The following ARHGEF7 variants were observed in gnomAD, a reference collection of about 807,000 sequenced individuals.
The protein encoded by ARHGEF7 is Rho guanine nucleotide exchange factor 7.
In ARHGEF7, 33 loss-of-function variants were observed where a neutral mutation model predicts 109.8. That is an observed-to-expected ratio of 0.30 (90% CI 0.23 to 0.40). The LOEUF (loss-of-function observed/expected upper bound fraction) is 0.40. ARHGEF7 is among the 10% of genes least tolerant of loss of function. The pLI is 1.00. For synonymous variants in ARHGEF7, 458 were observed against 424.6 expected, an observed-to-expected ratio of 1.08 and a Z score of -0.97; for missense variants, 938 against 1,098.5, an observed-to-expected ratio of 0.85 and a Z score of 2.07.
At chr13:111,216,442 C>T (rs2083153599) in intron 4 of ARHGEF7, among the ~76,000 whole-genome samples, 1 of 151,838 alleles carries the variant, frequency 6.6e-6, no homozygotes, top group African/African-American at 2.4e-5. Context: ...CTGGACTCTG[C>T]TGATGTCACT....
intron 2 of ARHGEF7, 149 bp from the exon 3 acceptor site, chr13:111,205,140 G>A: frequency 1.7e-6 from 1 of 585,074 alleles, no homozygotes; most frequent in Non-Finnish European, 3.0e-6. Context: ...TCAGGACTGA[G>A]AGACTGAGCG....
At chr13:111,159,568 A>C (rs1358639305) in intron 2 of ARHGEF7, among the ~76,000 whole-genome samples, 1 of 152,212 alleles carries the variant, frequency 6.6e-6, no homozygotes, top group African/African-American at 2.4e-5. Context: ...TCTTTTTGAT[A>C]ATAGCCATTC....
chr13:111,244,061 C>A, intron 7 of ARHGEF7, 95 bp downstream of exon 7: 1 of 1,278,608 alleles, frequency 7.8e-7, no homozygotes, highest in Non-Finnish European at 1.1e-6. Context: ...AATAGTGAAA[C>A]AAAATTTAGT....
At chr13:111,182,094 C>G (rs1415520081) in intron 2 of ARHGEF7, 1 of 152,078 alleles carries the variant, frequency 6.6e-6, no homozygotes, top group East Asian at 1.9e-4. Flanking sequence ...CAAGAGTGGC[C>G]TTAATTCACA....
chr13:111,267,433 C>T (rs1595364283), intron 8 of ARHGEF7, 115 bp from the exon 9 acceptor site: 1 of 1,394,704 alleles, frequency 7.2e-7, no homozygotes, highest in Non-Finnish European at 9.8e-7. Context: ...CTCTGGTTTT[C>T]ACAGATGGGT....
chr13:111,293,692 G>A, intron 19 of ARHGEF7: 4 of 985,404 alleles, frequency 4.1e-6, no homozygotes, highest in Non-Finnish European at 4.8e-6. Flanking sequence ...CAGAAAACAA[G>A]ATGCCATAGT....
intron 3 of ARHGEF7, among the ~76,000 whole-genome samples, chr13:111,209,603 T>C (rs1368759376): frequency 6.6e-6 from 1 of 152,236 alleles, no homozygotes; most frequent in Non-Finnish European, 1.5e-5. Flanking sequence ...AAAGTTATAA[T>C]ACATTTCACA....
chr13:111,246,900 A>G (rs898768562), intron 8 of ARHGEF7, among the ~76,000 whole-genome samples: 1 of 152,232 alleles, frequency 6.6e-6, no homozygotes, highest in Non-Finnish European at 1.5e-5. Flanking sequence ...CAGCCCTGCG[A>G]ATTATTATCC....
chr13:111,116,155 C>G (rs2066757433), intron 1 of ARHGEF7, among the ~76,000 whole-genome samples: 1 of 151,890 alleles, frequency 6.6e-6, no homozygotes, highest in African/African-American at 2.4e-5. Flanking sequence ...ACCGGTTGCT[C>G]TGTATTTTTA....
chr13:111,141,165 A>G (rs552917798), intron 1 of ARHGEF7, among the ~76,000 whole-genome samples: 3 of 152,288 alleles, frequency 2.0e-5, no homozygotes, highest in East Asian at 3.9e-4. Context: ...ATTATTAACT[A>G]AAGTTCACAG....
chr13:111,221,334 TA>T lies in ARHGEF7; in HGVS notation c.670+3455del, dbSNP rs2083982111. On this transcript the variant is annotated intron_variant, in intron 5 of 21. Coordinates refer to ENST00000646102, the MANE Select transcript of ARHGEF7 (RefSeq NM_001354046.2). ...ATCTATATATAGATATATATGTCTA[TA>T]TATATCTATATATATGTCTATATAT... 2.2e-4 allele frequency among the ~76,000 whole-genome samples: 3 copies of T among 13,586 alleles called. 1 individual carries two copies. Among genetic ancestry groups the T allele is most frequent in the Non-Finnish European group, 4.5e-4 (3 of 6,734 alleles). 8.9% of individuals were successfully genotyped at this position (13,586 alleles called of 152,430 possible). A position where few individuals can be genotyped will look rare whatever the true frequency, so the allele number is the denominator to read the frequency against.
intron 19 of ARHGEF7, among the ~76,000 whole-genome samples, chr13:111,299,676 A>T (rs2093516472): frequency 6.6e-6 from 1 of 152,154 alleles, no homozygotes; most frequent in African/African-American, 2.4e-5. Context: ...TTCATAAAAC[A>T]TTCGTATTGT....
Position 111,277,634 on chromosome 13 carries a change from G to A in ARHGEF7, c.1467G>A (p.Met489Ile), listed in dbSNP as rs1443938731. The A allele has an allele frequency of 1.2e-6, 2 of 1,608,140 alleles. No individual in the cohort carries two copies. Among genetic ancestry groups the A allele is most frequent in the Admixed American group, 1.7e-5 (1 of 60,010 alleles). Residue 489 changes from methionine to isoleucine, a missense_variant, in exon 13 of 22, where the codon ATG (methionine) becomes ATA (isoleucine). Physicochemically the swap from Met to Ile is conservative, Grantham distance 10 (BLOSUM62 1). Coordinates refer to ENST00000646102, the MANE Select transcript of ARHGEF7 (RefSeq NM_001354046.2). ...TACTCTTCCCAAATGTTTTGCTAATGTTGTCTGCCAGTCCTAGGATGAGTG... is the reference window on the plus strand; with the variant it reads ...TACTCTTCCCAAATGTTTTGCTAATATTGTCTGCCAGTCCTAGGATGAGTG... ...YLLLFPNVLL[M>I]LSASPRMSGF...
intron 3 of ARHGEF7, among the ~76,000 whole-genome samples, chr13:111,205,930 G>A (rs2081774943): frequency 6.6e-6 from 1 of 152,064 alleles, no homozygotes; most frequent in African/African-American, 2.4e-5. Context: ...ATGGGCCACA[G>A]CGAAGACAGG....
intron 10 of ARHGEF7, 74 bp downstream of exon 10, chr13:111,274,026 A>C: frequency 1.3e-6 from 2 of 1,533,090 alleles, no homozygotes. Flanking sequence ...CTGTGAAAGA[A>C]AGTATTATTC....
chr13:111,295,640 G>C (rs1332123189), intron 19 of ARHGEF7, among the ~76,000 whole-genome samples: 1 of 152,218 alleles, frequency 6.6e-6, no homozygotes, highest in Non-Finnish European at 1.5e-5. Context: ...TATAGTGATA[G>C]GACAAGGTGC....
At chr13:111,294,139 G>A (rs2093368133) in intron 19 of ARHGEF7, 136 of 985,276 alleles carry the variant, frequency 1.4e-4, no homozygotes, top group Non-Finnish European at 1.6e-4. Flanking sequence ...TGGGGTTTAT[G>A]TATGTTCAGC....
intron 2 of ARHGEF7, among the ~76,000 whole-genome samples, chr13:111,170,134 G>A (rs575623314): frequency 1.3e-5 from 2 of 152,206 alleles, no homozygotes; most frequent in Non-Finnish European, 2.9e-5. Context: ...GTCTTGCTCT[G>A]TTCTCCCTGC....
chr13:111,288,611 C>T lies in ARHGEF7; in HGVS notation c.2134+168C>T, dbSNP rs149942416. Among the ~76,000 whole-genome samples the T allele has an allele frequency of 7.2e-4, 110 of 152,292 alleles. 1 individual carries two copies. In the East Asian group the frequency reaches 0.013, roughly 19 times the overall value. On this transcript the variant is annotated intron_variant, in intron 18 of 21. Transcript: ENST00000646102. Reference sequence around the variant, plus strand: ...GGCAGGCAGGACAGCAGCTGAGCTTCAGGTCCCTAAATTCATGCAGCTGCG... The same window carrying T: ...GGCAGGCAGGACAGCAGCTGAGCTTTAGGTCCCTAAATTCATGCAGCTGCG...
Sources: allele counts gnomAD v4.1 joint callset (sites outside exome capture counted in the v4.1 genomes callset), GRCh38; gene constraint gnomAD v4.1.1; transcripts MANE v1.5; gene names NCBI Gene and HGNC (gene_info 2026-07-23, HGNC 2026-07-21).